WDR41: variants seen among roughly 807,000 people sequenced by gnomAD.
WDR41 encodes the protein WD repeat-containing protein 41.
WDR41 carries 63 observed loss-of-function variants against 69.3 expected under a neutral mutation model. That is an observed-to-expected ratio of 0.91 (90% CI 0.74 to 1.12). The LOEUF (loss-of-function observed/expected upper bound fraction) is 1.12. WDR41 is among the 50% of genes most tolerant of loss of function. The pLI is 0.00. For synonymous variants in WDR41, 185 were observed against 192.1 expected, an observed-to-expected ratio of 0.96 and a Z score of 0.31; for missense variants, 543 against 534.5, an observed-to-expected ratio of 1.02 and a Z score of -0.16.
At chr5:77,570,394 G>A (rs1743713973) in intron 1 of WDR41, among the ~76,000 whole-genome samples, 1 of 151,060 alleles carries the variant, frequency 6.6e-6, no homozygotes, top group South Asian at 2.1e-4. Context: ...AAGAATTGCA[G>A]GAGTTAGGAA....
chr5:77,581,789 C>T (rs1404677646), intron 1 of WDR41, among the ~76,000 whole-genome samples: 1 of 152,096 alleles, frequency 6.6e-6, no homozygotes, highest in Non-Finnish European at 1.5e-5. Flanking sequence ...TCATGAAATA[C>T]TTTCAGATGA....
chr5:77,437,573 A>G, intron 10 of WDR41, 149 bp from the exon 11 acceptor site: 1 of 715,088 alleles, frequency 1.4e-6, no homozygotes, highest in Non-Finnish European at 2.5e-6. Context: ...GCATGACGTT[A>G]CAACGCAAAC....
At chr5:77,611,225 C>G (rs1744542788) in intron 1 of WDR41, among the ~76,000 whole-genome samples, 1 of 152,114 alleles carries the variant, frequency 6.6e-6, no homozygotes, top group African/African-American at 2.4e-5. Flanking sequence ...TAACACCCCA[C>G]TGTCAACATT....
In WDR41 at chr5:77,453,954, T is replaced by C. The variant is rs143705941; in HGVS notation, c.412-26A>G. ...CTGCAAAATTTATTTGAAATGTATA[T>C]CAGGTTAGAAACTTAAGCAGTCATT... On this transcript the variant is annotated intron_variant, in intron 5 of 12. Transcript: ENST00000296679. 8.8e-5 allele frequency: 137 copies of C among 1,562,832 alleles called. No homozygotes were observed. The African/African-American group carries it at 1.6e-3, about 18-fold the overall frequency.
chr5:77,533,833 C>T (rs1742909682), intron 1 of WDR41, among the ~76,000 whole-genome samples: 1 of 152,102 alleles, frequency 6.6e-6, no homozygotes, highest in Non-Finnish European at 1.5e-5. Flanking sequence ...TCCGGGCTCC[C>T]TTTGCAGGGG....
intron 1 of WDR41, among the ~76,000 whole-genome samples, chr5:77,510,589 C>T (rs971160741): frequency 2.0e-5 from 3 of 151,954 alleles, no homozygotes; most frequent in Non-Finnish European, 4.4e-5. Flanking sequence ...GTTTCCATGC[C>T]TTTCTACTAT....
At chr5:77,475,694 A>C (rs534620530) in intron 2 of WDR41, among the ~76,000 whole-genome samples, 4 of 152,294 alleles carry the variant, frequency 2.6e-5, no homozygotes, top group East Asian at 3.9e-4. Context: ...CAAAGACCAA[A>C]ACTAGACAAA....
intron 1 of WDR41, among the ~76,000 whole-genome samples, chr5:77,610,433 C>G (rs1316963485): frequency 6.6e-6 from 1 of 152,310 alleles, no homozygotes; most frequent in African/African-American, 2.4e-5. Context: ...CAAAGGGAAG[C>G]CCGTCAGACT....
At chr5:77,435,624 G>A (rs1229571166) in intron 12 of WDR41, among the ~76,000 whole-genome samples, 3 of 152,112 alleles carry the variant, frequency 2.0e-5, no homozygotes, top group African/African-American at 4.8e-5. Context: ...ATTCCTTAGG[G>A]CCCTGATTAC....
intron 1 of WDR41, among the ~76,000 whole-genome samples, chr5:77,561,533 T>C (rs552897460): frequency 6.6e-5 from 10 of 152,254 alleles, no homozygotes; most frequent in East Asian, 3.9e-4. Flanking sequence ...GAAATCTTCA[T>C]TGGACAATAC....
intron 2 of WDR41, among the ~76,000 whole-genome samples, chr5:77,488,641 G>T (rs1009143469): frequency 1.3e-5 from 2 of 152,004 alleles, no homozygotes; most frequent in Non-Finnish European, 1.5e-5. Flanking sequence ...GGATTAGGAC[G>T]GCATTCAATG....
At chr5:77,536,798 T>C (rs1258763959) in intron 1 of WDR41, among the ~76,000 whole-genome samples, 1 of 152,202 alleles carries the variant, frequency 6.6e-6, no homozygotes, top group Non-Finnish European at 1.5e-5. Context: ...TCGAGGTTTA[T>C]GCAAGTACTC....
chr5:77,472,766 A>G (rs1350276651), intron 2 of WDR41, among the ~76,000 whole-genome samples: 2 of 152,030 alleles, frequency 1.3e-5, no homozygotes, highest in Non-Finnish European at 2.9e-5. Flanking sequence ...CAATGAAATA[A>G]AAGAGGATAC....
At chr5:77,496,781 G>A (rs1203246428), upstream of WDR41, among the ~76,000 whole-genome samples, 1 of 152,018 alleles carries the variant, frequency 6.6e-6, no homozygotes, top group African/African-American at 2.4e-5. Flanking sequence ...ATATGGAATT[G>A]CAAGGGGTCC....
intron 1 of WDR41, among the ~76,000 whole-genome samples, chr5:77,590,379 A>T (rs1744115229): frequency 6.6e-6 from 1 of 152,212 alleles, no homozygotes; most frequent in African/African-American, 2.4e-5. Context: ...AACACATCGG[A>T]GTTATTAAGA....
At chr5:77,489,687 T>G (rs1473511821) in intron 1 of WDR41, 115 bp from the exon 2 acceptor site, 1 of 533,004 alleles carries the variant, frequency 1.9e-6, no homozygotes, top group Non-Finnish European at 3.2e-6. Context: ...ACACAAGATT[T>G]TAAAAGCCTT....
chr5:77,448,868 AAAACAAACAAAC>A (rs10646790), intron 8 of WDR41, among the ~76,000 whole-genome samples: 2 of 149,174 alleles, frequency 1.3e-5, no homozygotes, highest in Non-Finnish European at 3.0e-5. Context: ...ACTCCATCTC[AAAACAAACAAAC>A]AAACAAACAA....
intron 1 of WDR41, among the ~76,000 whole-genome samples, chr5:77,566,982 C>G (rs1460705729): frequency 6.6e-6 from 1 of 152,018 alleles, no homozygotes; most frequent in African/African-American, 2.4e-5. Context: ...ATAGGAGAGC[C>G]AATATGGTAG....
chr5:77,477,076 A>G (rs1402017732), intron 2 of WDR41, among the ~76,000 whole-genome samples: 1 of 148,676 alleles, frequency 6.7e-6, no homozygotes, highest in Non-Finnish European at 1.5e-5. Context: ...AGAGATAAAG[A>G]AGGCCATTAC....
Sources: allele counts gnomAD v4.1 joint callset (sites outside exome capture counted in the v4.1 genomes callset), GRCh38; gene constraint gnomAD v4.1.1; transcripts MANE v1.5; gene names NCBI Gene and HGNC (gene_info 2026-07-23, HGNC 2026-07-21).